The following PSMD1 variants were observed in gnomAD, a reference collection of about 807,000 sequenced individuals.
The protein encoded by PSMD1 is 26S proteasome non-ATPase regulatory subunit 1.
Under a neutral mutation model 119.0 loss-of-function variants are expected in PSMD1, and 18 were observed. That is an observed-to-expected ratio of 0.15 (90% confidence interval 0.10 to 0.22). PSMD1 has a LOEUF of 0.22. PSMD1 is among the 10% of genes least tolerant of loss of function. The probability of loss-of-function intolerance (pLI) is 1.00; values close to 1 mark genes in which losing one functional copy is unlikely to be tolerated. For missense variants in PSMD1, 702 were observed against 1,158.5 expected (o/e 0.61, Z 5.72); for synonymous variants, 374 against 396.6 (o/e 0.94, Z 0.68).
chr2:231,158,660 C>T lies in PSMD1; in HGVS notation c.2219-2680C>T, dbSNP rs1448032457. ...CTCTCTTCTGCCCCTCCCCAGTCTCCATCCCAGGTTAGTTACTATGTCTTA... is the reference window on the plus strand; with the variant it reads ...CTCTCTTCTGCCCCTCCCCAGTCTCTATCCCAGGTTAGTTACTATGTCTTA... On this transcript the variant is annotated intron_variant, in intron 19 of 24. Transcript: ENST00000308696. 5.3e-5 allele frequency among the ~76,000 whole-genome samples: 8 copies of T among 152,198 alleles called. No individual in the cohort carries two copies. In the East Asian group the frequency reaches 1.5e-3, roughly 29 times the overall value.
chr2:231,065,085 C>CTAG (rs1227046232), intron 4 of PSMD1, among the ~76,000 whole-genome samples: 1 of 147,922 alleles, frequency 6.8e-6, no homozygotes, highest in African/African-American at 2.5e-5. Context: ...CCCGGGTCAT[C>CTAG]TAGTAGGCCA....
intron 15 of PSMD1, among the ~76,000 whole-genome samples, chr2:231,086,156 A>G (rs966234929): frequency 6.6e-6 from 1 of 151,502 alleles, no homozygotes; most frequent in Non-Finnish European, 1.5e-5. Flanking sequence ...TCCTCCTCCT[A>G]CCTCAGCTTC....
At chr2:231,130,580 C>T (rs115765950) in intron 16 of PSMD1, among the ~76,000 whole-genome samples, 2,137 of 152,234 alleles carry the variant, frequency 0.014, 34 homozygotes, top group Non-Finnish European at 0.015. Flanking sequence ...AAGTGATCCT[C>T]CCAAGTAGCT....
intron 24 of PSMD1, among the ~76,000 whole-genome samples, chr2:231,171,824 G>A (rs946869828): frequency 1.3e-5 from 2 of 152,020 alleles, no homozygotes; most frequent in Non-Finnish European, 2.9e-5. Context: ...CCAAAGTGCT[G>A]GGATTACAGG....
At chr2:231,168,524 T>G (rs1696840562) in intron 23 of PSMD1, among the ~76,000 whole-genome samples, 1 of 152,238 alleles carries the variant, frequency 6.6e-6, no homozygotes, top group Admixed American at 6.5e-5. Flanking sequence ...GAAAACATTA[T>G]TTTAAGTAAA....
intron 17 of PSMD1, among the ~76,000 whole-genome samples, chr2:231,139,357 T>TG (rs1450946429): frequency 7.3e-6 from 1 of 137,758 alleles, no homozygotes; most frequent in African/African-American, 2.7e-5. Context: ...CTTGCTCTGT[T>TG]GCTTGGGCTG....
chr2:231,109,170 A>C, intron 16 of PSMD1: 1 of 1,614,196 alleles, frequency 6.2e-7, no homozygotes, highest in South Asian at 1.1e-5. Flanking sequence ...AAAACTGTAG[A>C]CACAGTCAAC....
intron 17 of PSMD1, among the ~76,000 whole-genome samples, chr2:231,144,800 T>C (rs1460056988): frequency 6.6e-6 from 1 of 152,210 alleles, no homozygotes; most frequent in Non-Finnish European, 1.5e-5. Context: ...GGGCAAGTTA[T>C]TTAACCTTTC....
At chr2:231,156,795 C>T (rs970033740) in intron 19 of PSMD1, among the ~76,000 whole-genome samples, 31 of 152,120 alleles carry the variant, frequency 2.0e-4, no homozygotes, top group African/African-American at 7.2e-4. Context: ...ACATATCTGT[C>T]ACCTTACATA....
At chr2:231,164,505 T>G (rs891706343) in intron 21 of PSMD1, among the ~76,000 whole-genome samples, 5 of 152,142 alleles carry the variant, frequency 3.3e-5, no homozygotes, top group Admixed American at 2.0e-4. Flanking sequence ...TATTGGCCAG[T>G]TGTTGATTAT....
chr2:231,125,996 A>G (rs1294423675), intron 16 of PSMD1, among the ~76,000 whole-genome samples: 1 of 152,210 alleles, frequency 6.6e-6, no homozygotes, highest in Admixed American at 6.5e-5. Flanking sequence ...GCTTTTTTAA[A>G]AACTCAAAAT....
At chr2:231,135,913 A>C (rs1401552784) in intron 16 of PSMD1, among the ~76,000 whole-genome samples, 1 of 152,174 alleles carries the variant, frequency 6.6e-6, no homozygotes, top group East Asian at 1.9e-4. Flanking sequence ...AAAATAATCT[A>C]ACCTTTCCTT....
chr2:231,171,549 A>T (rs112099096), intron 24 of PSMD1, among the ~76,000 whole-genome samples: 47 of 117,278 alleles, frequency 4.0e-4, no homozygotes, highest in African/African-American at 1.3e-3. Flanking sequence ...TTTTCAGACA[A>T]TTTTTTTTTT....
intron 8 of PSMD1, among the ~76,000 whole-genome samples, chr2:231,076,615 C>G (rs917753689): frequency 6.6e-5 from 10 of 151,988 alleles, no homozygotes; most frequent in Non-Finnish European, 1.5e-4. Flanking sequence ...GATTGCACCA[C>G]TGCACCCCAG....
At chr2:231,130,686 G>A (rs570361864) in intron 16 of PSMD1, among the ~76,000 whole-genome samples, 10 of 152,290 alleles carry the variant, frequency 6.6e-5, no homozygotes, top group African/African-American at 2.4e-4. Context: ...TTGAACTCCA[G>A]GGTTCATGCA....
chr2:231,059,440 G>A (rs1272356996), intron 1 of PSMD1, among the ~76,000 whole-genome samples: 4 of 152,152 alleles, frequency 2.6e-5, no homozygotes, highest in Admixed American at 1.3e-4. Context: ...GTGAATAAGA[G>A]GTCAACATGT....
intron 16 of PSMD1, among the ~76,000 whole-genome samples, chr2:231,093,187 A>G (rs1011419701): frequency 2.6e-5 from 4 of 152,224 alleles, no homozygotes; most frequent in African/African-American, 9.6e-5. Context: ...GCAAAAGAAA[A>G]GCAGATCTAA....
At chr2:231,144,296 G>C (rs1196133783) in intron 17 of PSMD1, among the ~76,000 whole-genome samples, 3 of 150,778 alleles carry the variant, frequency 2.0e-5, no homozygotes, top group African/African-American at 7.3e-5. Flanking sequence ...TTGTTGCCCA[G>C]GCCGGAGTGC....
intron 16 of PSMD1, among the ~76,000 whole-genome samples, chr2:231,118,155 T>TA (rs1484720549): frequency 6.6e-6 from 1 of 152,176 alleles, no homozygotes; most frequent in Non-Finnish European, 1.5e-5. Flanking sequence ...ATTTCTTTAA[T>TA]AGAGTTTATA....
Sources: gnomAD v4.1 joint callset for allele counts (sites outside exome capture counted in the v4.1 genomes callset) on GRCh38, gnomAD v4.1.1 for gene constraint, MANE v1.5 for transcripts, NCBI Gene and HGNC (gene_info 2026-07-23, HGNC 2026-07-21) for gene names.